SH3TC2: variants seen among roughly 807,000 people sequenced by gnomAD.
SH3TC2 encodes the protein SH3 domain and tetratricopeptide repeat-containing protein 2.
In SH3TC2, 87 loss-of-function variants were observed where a neutral mutation model predicts 124.5. The observed-to-expected ratio is 0.70, with a 90% confidence interval of 0.59 to 0.84. SH3TC2 has a LOEUF of 0.84. Among genes scored for constraint, SH3TC2 ranks in the 40% least tolerant of loss-of-function variants. The probability of loss-of-function intolerance (pLI) is 0.00; values close to 1 mark genes in which losing one functional copy is unlikely to be tolerated. For missense variants in SH3TC2, 1,536 were observed against 1,566.4 expected (o/e 0.98, Z 0.33); for synonymous variants, 634 against 628.5 (o/e 1.01, Z -0.13).
At chr5:149,005,923 A>C (rs991930704) in intron 16 of SH3TC2, among the ~76,000 whole-genome samples, 5 of 152,144 alleles carry the variant, frequency 3.3e-5, no homozygotes, top group Non-Finnish European at 7.4e-5. Flanking sequence ...TCAGGGTTGT[A>C]ACAGAGATTT....
intron 1 of SH3TC2, among the ~76,000 whole-genome samples, chr5:149,056,361 G>C (rs1467833072): frequency 6.6e-6 from 1 of 152,040 alleles, no homozygotes; most frequent in East Asian, 1.9e-4. Flanking sequence ...AGAACATGTG[G>C]CATTTTGTTT....
chr5:149,043,385 T>C (rs1754404045), intron 4 of SH3TC2, among the ~76,000 whole-genome samples: 1 of 152,176 alleles, frequency 6.6e-6, no homozygotes, highest in Admixed American at 6.5e-5. Context: ...CTATGTAAAT[T>C]GTAAAACTCT....
chr5:149,050,875 G>A (rs902061809), intron 2 of SH3TC2, among the ~76,000 whole-genome samples: 2 of 152,168 alleles, frequency 1.3e-5, no homozygotes, highest in Non-Finnish European at 2.9e-5. Context: ...TTTGGAGGGT[G>A]AAGGAGCATT....
chr5:149,039,194 A>G (rs1329728853), intron 7 of SH3TC2, among the ~76,000 whole-genome samples: 1 of 152,206 alleles, frequency 6.6e-6, no homozygotes, highest in Non-Finnish European at 1.5e-5. Flanking sequence ...GGATCTAGCA[A>G]TGACCTTTTG....
intron 12 of SH3TC2, among the ~76,000 whole-genome samples, chr5:149,014,776 T>A (rs557140078): frequency 2.6e-4 from 39 of 152,326 alleles, no homozygotes; most frequent in Non-Finnish European, 4.1e-4. Context: ...CATCTTTCAC[T>A]ATAGGAAGCC....
chr5:149,041,832 C>T (rs1754376840), intron 5 of SH3TC2, among the ~76,000 whole-genome samples: 1 of 152,232 alleles, frequency 6.6e-6, no homozygotes, highest in Non-Finnish European at 1.5e-5. Flanking sequence ...TCAGTTAAAA[C>T]AGACACCAAC....
rs551876574 is a variant in SH3TC2 at position 149,020,030 on chromosome 5, T to C, written c.3053+6542A>G. On this transcript the variant is annotated intron_variant, in intron 12 of 16. Transcript: ENST00000515425. Reference sequence around the variant, plus strand: ...AGAACAGCCTTTTCCCTGAGGCATATGTCAAAAATAATTAGTAGCAATTGT... The same window carrying C: ...AGAACAGCCTTTTCCCTGAGGCATACGTCAAAAATAATTAGTAGCAATTGT... Among the ~76,000 whole-genome samples the C allele has an allele frequency of 2.4e-3, 364 of 152,178 alleles. 1 individual carries two copies. The highest frequency in any genetic ancestry group is 8.4e-3 in the African/African-American group (350 of 41,512).
intron 8 of SH3TC2, chr5:149,035,482 A>C (rs1754267703): frequency 6.5e-6 from 1 of 152,898 alleles, no homozygotes; most frequent in Non-Finnish European, 1.5e-5. Context: ...CCCAGTGGCC[A>C]GTCGGACGGC....
chr5:149,017,444 A>C (rs2127394493), intron 12 of SH3TC2, among the ~76,000 whole-genome samples: 1 of 152,302 alleles, frequency 6.6e-6, no homozygotes. Context: ...GATATTAGAC[A>C]AAGGGACAGA....
intron 1 of SH3TC2, among the ~76,000 whole-genome samples, chr5:149,060,176 AT>A (rs1754721321): frequency 6.6e-6 from 1 of 152,244 alleles, no homozygotes; most frequent in African/African-American, 2.4e-5. Flanking sequence ...AATCTGCCAA[AT>A]TTCTTCAAAC....
At chr5:149,017,872 C>T (rs533852684) in intron 12 of SH3TC2, among the ~76,000 whole-genome samples, 1 of 152,156 alleles carries the variant, frequency 6.6e-6, no homozygotes, top group African/African-American at 2.4e-5. Flanking sequence ...GGCCCATGAG[C>T]CAAATACAGC....
chr5:149,031,357 A>C lies in SH3TC2; in HGVS notation c.1135+197T>G, dbSNP rs2304034. On this transcript the variant is annotated intron_variant, in intron 9 of 16. Transcript: ENST00000515425. ...TTCATCATGTCTCATAGTTCCCCTG[A>C]AACCCCAGAATTACCTGAAATCTAA... is the stretch of plus-strand genomic sequence containing the variant. Among the ~76,000 whole-genome samples the C allele has an allele frequency of 0.14, 21,434 of 152,162 alleles. 1,901 individuals are homozygous for C. Among genetic ancestry groups the C allele is most frequent in the Admixed American group, 0.29 (4,350 of 15,262 alleles).
At position 149,004,522 on chromosome 5, in the gene SH3TC2, T is replaced by A. The variant is rs1753650732; in HGVS notation, c.*189A>T. The A allele has an allele frequency of 3.1e-6, 2 of 645,662 alleles. No homozygotes were observed. Among genetic ancestry groups the A allele is most frequent in the Admixed American group, 3.0e-5 (1 of 33,728 alleles). 40.0% of individuals were successfully genotyped at this position (645,662 alleles called of 1,614,324 possible). A position where few individuals can be genotyped will look rare whatever the true frequency, so the allele number is the denominator to read the frequency against. On this transcript the variant is annotated 3_prime_UTR_variant, in exon 17 of 17. Coordinates refer to ENST00000515425, the MANE Select transcript of SH3TC2 (RefSeq NM_024577.4). ...CAAAGCCTGGAACCAGGAATTCTCA[T>A]CGCTGCACCATCAAATCTTTCTGTG...
intron 8 of SH3TC2, chr5:149,034,547 C>T (rs1453362461): frequency 2.6e-6 from 1 of 377,378 alleles, no homozygotes; most frequent in Non-Finnish European, 5.3e-6. Flanking sequence ...AATATAATAT[C>T]ATTTTTAACA....
Position 148,998,334 on chromosome 5 carries a change from T to C in SH3TC2, c.*6377A>G, listed in dbSNP as rs1381061161. Among the ~76,000 whole-genome samples the C allele has an allele frequency of 6.6e-6, 1 of 152,214 alleles. No homozygotes were observed. Among genetic ancestry groups the C allele is most frequent in the Non-Finnish European group, 1.5e-5 (1 of 68,038 alleles). Reference sequence around the variant, plus strand: ...TATTAAATACGTTCTTTACCAATGATACACTATTTAGGAAGACATCACTGC... The same window carrying C: ...TATTAAATACGTTCTTTACCAATGACACACTATTTAGGAAGACATCACTGC... On this transcript the variant is annotated 3_prime_UTR_variant, in exon 17 of 17. Coordinates refer to ENST00000515425, the MANE Select transcript of SH3TC2 (RefSeq NM_024577.4).
In SH3TC2 at chr5:149,012,668, T is replaced by C. The variant is rs781208445; in HGVS notation, c.3120A>G (p.Thr1040=). 6.2e-7 allele frequency: 1 copy of C among 1,614,084 alleles called. No individual in the cohort carries two copies. Residue 1040 remains threonine, a synonymous_variant, in exon 13 of 17, where the codon ACA becomes ACG. Transcript: ENST00000515425. ...SLRIFIDLGE[T]DKAAEAWLGA... ...CAAGCCAGGCCTCAGCAGCCTTGTC[T>C]GTCTCCCCCAGGTCAATGAAGATAC...
chr5:149,010,302 G>T lies in SH3TC2; in HGVS notation c.3295C>A (p.Arg1099Ser). Residue 1099 changes from arginine to serine, a missense_variant, in exon 14 of 17, where the codon CGC (arginine) becomes AGC (serine). By Grantham distance (110) the Arg-to-Ser change is moderately radical. Around this residue, in one of 3 missense-constraint regions of SH3TC2, gnomAD observed 426 missense variants for 443.5 expected, o/e 0.96. Coordinates refer to ENST00000515425, the MANE Select transcript of SH3TC2 (RefSeq NM_024577.4). ...TACTCCACTGCATGATGCCTGTGGC[G>T]GGTCCCATTGAAGAACACATCACCT... ...EAGDVFFNGT[R>S]HRHHAVEYYR... 1.9e-6 allele frequency: 3 copies of T among 1,614,160 alleles called. No individual in the cohort carries two copies. The South Asian group carries it at 3.3e-5, about 18-fold the overall frequency.
intron 2 of SH3TC2, 86 bp from the exon 3 acceptor site, chr5:149,048,075 A>C (rs1469007578): frequency 4.4e-6 from 7 of 1,573,488 alleles, no homozygotes; most frequent in Non-Finnish European, 6.1e-6. Flanking sequence ...TTTCCCCTAC[A>C]TGTATACCTG....
At chr5:149,010,221 C>CA (rs1422861410) in intron 14 of SH3TC2, 49 bp downstream of exon 14, 1 of 1,613,656 alleles carries the variant, frequency 6.2e-7, no homozygotes. Context: ...TGACCCTTCC[C>CA]ATGCCCGTGC....
Sources: allele counts gnomAD v4.1 joint callset (sites outside exome capture counted in the v4.1 genomes callset), GRCh38; gene constraint gnomAD v4.1.1; regional missense constraint gnomAD v4.1.1; transcripts MANE v1.5; gene names NCBI Gene and HGNC (gene_info 2026-07-23, HGNC 2026-07-21).